The following GIT2 variants were observed in gnomAD, a reference collection of about 807,000 sequenced individuals.
GIT2 encodes the protein ARF GTPase-activating protein GIT2.
In GIT2, 32 loss-of-function variants were observed where a neutral mutation model predicts 100.3. The ratio of observed to expected loss-of-function variants is 0.32; its 90% CI spans 0.24 to 0.43. GIT2 has a LOEUF of 0.43. Ranked by LOEUF, GIT2 falls within the 20% of genes least tolerant of loss-of-function variation. The pLI is 1.00. For missense variants in GIT2, 737 were observed against 975.1 expected (o/e 0.76, Z 3.25); for synonymous variants, 353 against 364.1 (o/e 0.97, Z 0.35).
chr12:109,991,717 A>T lies in GIT2; in HGVS notation c.96T>A (p.Asp32Glu). The T allele has an allele frequency of 6.2e-7, 1 of 1,612,990 alleles. No homozygotes were observed. Among genetic ancestry groups the T allele is most frequent in the Non-Finnish European group, 8.5e-7 (1 of 1,179,048 alleles). Reference sequence around the variant, plus strand: ...GACTCCGATGGACACTGCAGCACTCATCACATAAAAACGTTCCCCTATTTA... The same window carrying T: ...GACTCCGATGGACACTGCAGCACTCTTCACATAAAAACGTTCCCCTATTTA... ...ASVNRGTFLC[D>E]ECCSVHRSLG... Residue 32 changes from aspartate (D) to glutamate (E), a missense_variant, in exon 2 of 20, where the codon GAT becomes GAA. Coordinates refer to ENST00000355312, the MANE Select transcript of GIT2 (RefSeq NM_057169.5).
chr12:109,998,542 T>C (rs966530519), upstream of GIT2: 2 of 152,228 alleles, frequency 1.3e-5, no homozygotes, highest in African/African-American at 4.8e-5. Context: ...GGTTCTTCAT[T>C]GAGTCAAGGA....
chr12:109,939,021 C>T (rs1873839535), intron 17 of GIT2, 144 bp downstream of exon 17: 8 of 642,548 alleles, frequency 1.2e-5, no homozygotes, highest in Non-Finnish European at 2.3e-5. Context: ...AAACTACGAG[C>T]GTATGCTTGA....
At position 109,983,495 on chromosome 12, in the gene GIT2, T is replaced by G; in HGVS notation, c.501A>C (p.Gly167=). Residue 167 remains glycine (G), a synonymous_variant, in exon 6 of 20, where the codon GGA becomes GGC. Coordinates refer to ENST00000355312, the MANE Select transcript of GIT2 (RefSeq NM_057169.5). ...TGGAGGCAACATGGAGTGGGGTGTT[T>G]CCTTTTTCCTAAGAATCATTAATAA... ...AQANFFHPEK[G]NTPLHVASKA... 1 of 1,613,718 alleles carries G rather than the reference T, an allele frequency of 6.2e-7. No homozygotes were observed. Among genetic ancestry groups the G allele is most frequent in the Non-Finnish European group, 8.5e-7 (1 of 1,179,712 alleles).
Position 109,935,259 on chromosome 12 carries a change from G to A in GIT2, c.2004-1174C>T, listed in dbSNP as rs376195120. 5.9e-5 allele frequency among the ~76,000 whole-genome samples: 9 copies of A among 152,284 alleles called. No individual in the cohort carries two copies. The East Asian group carries it at 9.6e-4, about 16-fold the overall frequency. On this transcript the variant is annotated intron_variant, in intron 18 of 19. Coordinates refer to ENST00000355312, the MANE Select transcript of GIT2 (RefSeq NM_057169.5). ...ATGGAGTTATTTAACTTGTAAATAT[G>A]AAGGGGCAACAACCTATCTGGTCAC...
At chr12:109,972,175 C>G (rs1884050524) in intron 7 of GIT2, among the ~76,000 whole-genome samples, 1 of 151,880 alleles carries the variant, frequency 6.6e-6, no homozygotes, top group African/African-American at 2.4e-5. Context: ...ATCTGTATGC[C>G]TTTTATTTAT....
chr12:109,997,204 C>CAA (rs35732772), upstream of GIT2, among the ~76,000 whole-genome samples: 871 of 42,934 alleles, frequency 0.02, 24 homozygotes, highest in African/African-American at 0.045. Flanking sequence ...GACTCCGTCT[C>CAA]AAAAAAAAAA....
chr12:109,960,029 A>G, intron 11 of GIT2, 71 bp from the exon 12 acceptor site: 1 of 970,532 alleles, frequency 1.0e-6, no homozygotes, highest in South Asian at 1.4e-5. Context: ...ACATAAAACT[A>G]GTCAGACTAT....
chr12:109,996,232 A>T lies in GIT2; in HGVS notation c.-8T>A. The T allele has an allele frequency of 6.5e-7, 1 of 1,527,964 alleles. No individual in the cohort carries two copies. The highest frequency in any genetic ancestry group is 8.8e-7 in the Non-Finnish European group (1 of 1,135,776). 94.7% of individuals were successfully genotyped at this position (1,527,964 alleles called of 1,614,324 possible). ...CCGGAGCCGTTTCGACATGGCTCCC[A>T]CCTCCCACCTGCGGGGAACTAGAGG... is the stretch of plus-strand genomic sequence containing the variant. On this transcript the variant is annotated 5_prime_UTR_variant, in exon 1 of 20. Coordinates refer to ENST00000355312, the MANE Select transcript of GIT2 (RefSeq NM_057169.5).
chr12:109,986,647 C>T (rs1887438559), intron 4 of GIT2, among the ~76,000 whole-genome samples: 1 of 152,310 alleles, frequency 6.6e-6, no homozygotes, highest in South Asian at 2.1e-4. Flanking sequence ...CGCCTGTAGT[C>T]CCAGCTACTC....
At chr12:109,975,883 T>C (rs1884919376) in intron 7 of GIT2, among the ~76,000 whole-genome samples, 1 of 151,166 alleles carries the variant, frequency 6.6e-6, no homozygotes, top group Non-Finnish European at 1.5e-5. Context: ...GCAATTCTCC[T>C]GCCTCACCCT....
chr12:109,991,334 A>G (rs1396121399), intron 2 of GIT2, among the ~76,000 whole-genome samples: 1 of 151,734 alleles, frequency 6.6e-6, no homozygotes, highest in African/African-American at 2.4e-5. Flanking sequence ...AACATTTCCG[A>G]TGACAGTCTA....
chr12:109,938,432 T>A lies in GIT2; in HGVS notation c.1951A>T (p.Thr651Ser), dbSNP rs1411946171. 2 of 1,614,106 alleles carry A rather than the reference T, an allele frequency of 1.2e-6. No individual in the cohort carries two copies. Among genetic ancestry groups the A allele is most frequent in the Non-Finnish European group, 8.5e-7 (1 of 1,179,968 alleles). ...EDVIRKTEQI[T>S]KNIQELLRAA... ...CTTAAGAGCTCCTGTATGTTTTTGG[T>A]GATCTGTTCAGTCTTCCTGATGACA... is the stretch of plus-strand genomic sequence containing the variant. Residue 651 changes from threonine to serine, a missense_variant, in exon 18 of 20, where the codon ACC (threonine) becomes TCC (serine). Physicochemically the swap from Thr to Ser is moderately conservative, Grantham distance 58 (BLOSUM62 1). Transcript: ENST00000355312.
At chr12:109,979,059 G>A (rs1885731213) in intron 7 of GIT2, among the ~76,000 whole-genome samples, 2 of 152,028 alleles carry the variant, frequency 1.3e-5, no homozygotes, top group African/African-American at 4.8e-5. Context: ...GAGAGAAAAA[G>A]ACAAGCAATC....
chr12:109,987,395 AAAATAAAT>A (rs530307440), intron 4 of GIT2, among the ~76,000 whole-genome samples: 11 of 151,872 alleles, frequency 7.2e-5, no homozygotes, highest in East Asian at 1.9e-4. Flanking sequence ...AAAATAAATA[AAAATAAAT>A]AAATAAATAA....
At chr12:109,989,931 T>C (rs551828039) in intron 2 of GIT2, 129 bp from the exon 3 acceptor site, 2 of 657,380 alleles carry the variant, frequency 3.0e-6, no homozygotes, top group Admixed American at 2.8e-5. Context: ...ATTCATATCA[T>C]TGTTTTCTGA....
chr12:109,991,901 C>T, intron 1 of GIT2, 141 bp from the exon 2 acceptor site: 1 of 664,872 alleles, frequency 1.5e-6, no homozygotes, highest in South Asian at 1.9e-5. Flanking sequence ...TCAGGCTGGT[C>T]ATCTTGTTGG....
At chr12:109,973,187 C>A (rs1410123838) in intron 7 of GIT2, among the ~76,000 whole-genome samples, 2 of 152,192 alleles carry the variant, frequency 1.3e-5, no homozygotes, top group Non-Finnish European at 2.9e-5. Flanking sequence ...GTCACCCAGG[C>A]TGGAGTGCAG....
intron 10 of GIT2, 80 bp from the exon 11 acceptor site, chr12:109,961,455 C>A (rs1022570142): frequency 1.0e-6 from 1 of 986,618 alleles, no homozygotes; most frequent in Non-Finnish European, 1.6e-6. Context: ...TCACGCACTA[C>A]GAGGGGAAAC....
chr12:109,985,903 A>T (rs1477572145), intron 4 of GIT2, among the ~76,000 whole-genome samples: 1 of 151,780 alleles, frequency 6.6e-6, no homozygotes, highest in Non-Finnish European at 1.5e-5. Context: ...TTGGTGGCAC[A>T]TGCCTGAGAT....
Sources: allele counts gnomAD v4.1 joint callset (sites outside exome capture counted in the v4.1 genomes callset), GRCh38; gene constraint gnomAD v4.1.1; transcripts MANE v1.5; gene names NCBI Gene and HGNC (gene_info 2026-07-23, HGNC 2026-07-21).